Variants in NTPCR observed in about 807,000 individuals in gnomAD.
NTPCR encodes the protein nucleoside-triphosphatase, cancer-related, also known as cancer-related nucleoside-triphosphatase.
In NTPCR, 15 loss-of-function variants were observed where a neutral mutation model predicts 19.5. The observed-to-expected ratio is 0.77, with a 90% CI of 0.51 to 1.18. The LOEUF is 1.18. Among genes scored for constraint, NTPCR ranks in the 50% most tolerant of loss-of-function variants. The pLI, the probability that NTPCR is intolerant of heterozygous loss-of-function variation, is 0.00. For missense variants in NTPCR, 206 were observed against 240.4 expected (o/e 0.86, Z 0.95); for synonymous variants, 90 against 95.8 (o/e 0.94, Z 0.36).
In NTPCR at chr1:232,969,668, T is replaced by A. The variant is rs143157052; in HGVS notation, c.295-241T>A. 167 of 436,692 alleles carry A rather than the reference T, an allele frequency of 3.8e-4. No homozygotes were observed. In the East Asian group the frequency reaches 6.1e-3, roughly 16 times the overall value. 27.1% of individuals were successfully genotyped at this position (436,692 alleles called of 1,614,324 possible). A position where few individuals can be genotyped will look rare whatever the true frequency, so the allele number is the denominator to read the frequency against. On this transcript the variant is annotated intron_variant, in intron 3 of 4. Transcript: ENST00000366628. ...GTTACTTCCTTGAACATCCCACTGG[T>A]GACAGGCATAGCTGCCAGCTTCCAA...
At chr1:232,976,723 AAATGGGATCACG>A in intron 4 of NTPCR, 1 of 733,604 alleles carries the variant, frequency 1.4e-6, no homozygotes, top group Non-Finnish European at 2.0e-6. Flanking sequence ...GGACCGGTAG[AAATGGGATCACG>A]GGACTGACGC....
chr1:232,983,799 A>G lies in NTPCR; in HGVS notation c.*5568A>G, dbSNP rs1408679042. The G allele has an allele frequency of 1.3e-5, 2 of 152,352 alleles. No individual in the cohort carries two copies. Among genetic ancestry groups the G allele is most frequent in the African/African-American group, 4.8e-5 (2 of 41,474 alleles). 9.4% of individuals were successfully genotyped at this position (152,352 alleles called of 1,614,324 possible). ...TGACACTTAGATTTAACCTTAATGC[A>G]TCTGCCCAGCTGATGGTATCAGACG... On this transcript the variant is annotated 3_prime_UTR_variant, in exon 5 of 5. Coordinates refer to ENST00000366628, the MANE Select transcript of NTPCR (RefSeq NM_032324.3).
At chr1:232,961,883 A>G (rs757306671) in intron 3 of NTPCR, 4 of 152,206 alleles carry the variant, frequency 2.6e-5, no homozygotes, top group Non-Finnish European at 5.9e-5. Context: ...ATTATATTAA[A>G]ACTATGTGTG....
At chr1:232,968,010 G>A (rs1668868421) in intron 3 of NTPCR, 1 of 152,212 alleles carries the variant, frequency 6.6e-6, no homozygotes, top group Non-Finnish European at 1.5e-5. Flanking sequence ...CTTGGAATAA[G>A]TAGTGACTTA....
intron 3 of NTPCR, among the ~76,000 whole-genome samples, chr1:232,960,301 C>T (rs904449147): frequency 1.3e-5 from 2 of 149,808 alleles, no homozygotes; most frequent in Non-Finnish European, 3.0e-5. Context: ...AACCCAGGTT[C>T]ACCTTGCAAA....
rs1380983620 is a variant in NTPCR, at chr1:232,980,901, T to C, written c.*2670T>C. On this transcript the variant is annotated 3_prime_UTR_variant, in exon 5 of 5. Transcript: ENST00000366628. ...CAGATTGAAGTCAGGGATTCTCTTA[T>C]ACCTGAGTTTGGAATGCCTCCTATT... 1 of 152,230 alleles carries C rather than the reference T, an allele frequency of 6.6e-6. No individual in the cohort carries two copies. The highest frequency in any genetic ancestry group is 1.5e-5 in the Non-Finnish European group (1 of 68,056). 9.4% of individuals were successfully genotyped at this position (152,230 alleles called of 1,614,324 possible).
intron 4 of NTPCR, among the ~76,000 whole-genome samples, chr1:232,975,199 C>T (rs1173124943): frequency 1.3e-5 from 2 of 152,230 alleles, no homozygotes; most frequent in Non-Finnish European, 2.9e-5. Flanking sequence ...ATTATCTGAT[C>T]TTCCAGGCTG....
chr1:232,962,906 T>A (rs1159543676), intron 3 of NTPCR: 1 of 152,202 alleles, frequency 6.6e-6, no homozygotes, highest in Admixed American at 6.5e-5. Context: ...GTATTTTGTT[T>A]TTGTTTTTTT....
rs1031376320 is a variant in NTPCR, at chr1:232,973,117, G to C, written c.504+2999G>C. Among the ~76,000 whole-genome samples the C allele has an allele frequency of 2.6e-5, 4 of 152,326 alleles. No homozygotes were observed. The South Asian group carries it at 8.3e-4, about 32-fold the overall frequency. On this transcript the variant is annotated intron_variant, in intron 4 of 4. Transcript: ENST00000366628. ...GCTACCAGCTGAACATGCGTAGTGTGAAGATGAGACTGAGCCCGTGATATG... is the reference window on the plus strand; with the variant it reads ...GCTACCAGCTGAACATGCGTAGTGTCAAGATGAGACTGAGCCCGTGATATG...
chr1:232,971,613 G>C (rs1371267440), intron 4 of NTPCR, among the ~76,000 whole-genome samples: 6 of 152,180 alleles, frequency 3.9e-5, no homozygotes, highest in Non-Finnish European at 8.8e-5. Context: ...GGGATACTGT[G>C]GTGAACGAGA....
rs1346636880 is a variant in NTPCR, at chr1:232,978,226, A to G, written c.568A>G (p.Lys190Glu). ...DIVTCVQSSR[K>E] ...CGTGACGTGCGTGCAGAGCAGCAGGAAGTGAAGACACGTGCATTCCTGCCT... is the reference window on the plus strand; with the variant it reads ...CGTGACGTGCGTGCAGAGCAGCAGGGAGTGAAGACACGTGCATTCCTGCCT... Residue 190 changes from lysine (K) to glutamate (E), a missense_variant, in exon 5 of 5, where the codon AAG becomes GAG. Transcript: ENST00000366628. The G allele has an allele frequency of 4.3e-6, 7 of 1,613,932 alleles. No individual in the cohort carries two copies. Among genetic ancestry groups the G allele is most frequent in the South Asian group, 1.1e-5 (1 of 91,032 alleles).
chr1:232,964,122 T>C (rs1558129951), intron 3 of NTPCR: 1 of 152,234 alleles, frequency 6.6e-6, no homozygotes, highest in Non-Finnish European at 1.5e-5. Flanking sequence ...ATGTTACACT[T>C]AGTTGTCACA....
At chr1:232,962,635 A>G (rs966515543) in intron 3 of NTPCR, 4 of 152,226 alleles carry the variant, frequency 2.6e-5, no homozygotes, top group African/African-American at 7.2e-5. Context: ...AGAACAAAGG[A>G]CATCTACTCA....
intron 1 of NTPCR, among the ~76,000 whole-genome samples, chr1:232,952,788 A>G (rs1349214192): frequency 6.6e-6 from 1 of 152,012 alleles, no homozygotes; most frequent in African/African-American, 2.4e-5. Flanking sequence ...ACCATCAGGT[A>G]AAGTCTCCTC....
At chr1:232,970,345 GGCT>G (rs1668942163) in intron 4 of NTPCR, among the ~76,000 whole-genome samples, 1 of 152,170 alleles carries the variant, frequency 6.6e-6, no homozygotes, top group African/African-American at 2.4e-5. Flanking sequence ...CAGTTGTTCT[GGCT>G]GCTTTTTTCT....
intron 4 of NTPCR, 110 bp from the exon 5 acceptor site, chr1:232,978,053 T>C (rs1276709343): frequency 3.6e-6 from 3 of 840,680 alleles, no homozygotes; most frequent in Non-Finnish European, 5.7e-6. Flanking sequence ...TAACAAAACA[T>C]ACCTCACCCT....
intron 4 of NTPCR, among the ~76,000 whole-genome samples, chr1:232,972,244 T>G (rs1390290950): frequency 6.6e-6 from 1 of 152,204 alleles, no homozygotes; most frequent in African/African-American, 2.4e-5. Flanking sequence ...CCCTGTTTTT[T>G]TTTGTTGTTG....
At chr1:232,969,151 T>G (rs1464988739) in intron 3 of NTPCR, 1 of 152,256 alleles carries the variant, frequency 6.6e-6, no homozygotes, top group Non-Finnish European at 1.5e-5. Flanking sequence ...CTAAGCTTGC[T>G]CATGTGGTTG....
At position 232,978,240 on chromosome 1, in the gene NTPCR, GCATTCC is replaced by G; in HGVS notation, c.*10_*15del. 6.2e-7 allele frequency: 1 copy of G among 1,612,984 alleles called. No individual in the cohort carries two copies. Among genetic ancestry groups the G allele is most frequent in the Non-Finnish European group, 8.5e-7 (1 of 1,179,070 alleles). ...AGAGCAGCAGGAAGTGAAGACACGT[GCATTCC>G]TGCCTTCCGTGAAGGAGTGCCCAGT... On this transcript the variant is annotated 3_prime_UTR_variant, in exon 5 of 5. Coordinates refer to ENST00000366628, the MANE Select transcript of NTPCR (RefSeq NM_032324.3).
Sources: allele counts gnomAD v4.1 joint callset (sites outside exome capture counted in the v4.1 genomes callset), GRCh38; gene constraint gnomAD v4.1.1; transcripts MANE v1.5; gene names NCBI Gene and HGNC (gene_info 2026-07-23, HGNC 2026-07-21).